Variants in TENT4B observed in about 807,000 individuals in gnomAD.
TENT4B encodes the protein PAP associated domain containing 5.
In TENT4B, 10 loss-of-function variants were observed where a neutral mutation model predicts 75.0. That is an observed-to-expected ratio of 0.13 (90% CI 0.08 to 0.23). The LOEUF (loss-of-function observed/expected upper bound fraction) is 0.23, where lower values mean the gene tolerates loss of function less well. TENT4B is among the 10% of genes least tolerant of loss of function. The pLI is 1.00. For missense variants in TENT4B, 579 were observed against 893.8 expected, an observed-to-expected ratio of 0.65 and a Z score of 4.49; for synonymous variants, 350 against 357.7, an observed-to-expected ratio of 0.98 and a Z score of 0.24.
In TENT4B at chr16:50,229,173, C is replaced by T. The variant is rs574661923; in HGVS notation, c.1987C>T (p.Arg663Cys). 1.2e-5 allele frequency: 19 copies of T among 1,612,898 alleles called. No homozygotes were observed. The highest frequency in any genetic ancestry group is 4.4e-5 in the South Asian group (4 of 90,990). Residue 663 changes from arginine (R) to cysteine (C), a missense_variant, in exon 12 of 12, where the codon CGT becomes TGT. This residue lies in a region of TENT4B where 164 missense variants were observed against 226.5 expected (regional missense o/e 0.72). Coordinates refer to ENST00000561678, the MANE Select transcript of TENT4B (RefSeq NM_001365324.3). ...KSQHGSARLFRSSSKGFQGTT... is the reference protein window; with the variant it reads ...KSQHGSARLFCSSSKGFQGTT... ...GCAGCATGGATCAGCAAGGCTCTTT[C>T]GTTCTTCCAGCAAAGGCTTCCAAGG... is the stretch of plus-strand genomic sequence containing the variant.
intron 1 of TENT4B, among the ~76,000 whole-genome samples, chr16:50,171,565 A>G (rs1205426801): frequency 1.3e-5 from 2 of 152,140 alleles, no homozygotes; most frequent in Non-Finnish European, 2.9e-5. Context: ...GCTCCTTCTC[A>G]GTTTTTCTTG....
chr16:50,219,367 A>G (rs1259985152), intron 5 of TENT4B, among the ~76,000 whole-genome samples: 1 of 152,150 alleles, frequency 6.6e-6, no homozygotes, highest in African/African-American at 2.4e-5. Context: ...AATGTTTTGG[A>G]GGTTTCTTCC....
At chr16:50,212,348 A>C (rs926019896) in intron 2 of TENT4B, among the ~76,000 whole-genome samples, 2 of 152,086 alleles carry the variant, frequency 1.3e-5, no homozygotes, top group African/African-American at 4.8e-5. Flanking sequence ...GTGAGCCACC[A>C]CACTTGGCCT....
upstream of TENT4B, chr16:50,153,105 C>T (rs1255741427): frequency 7.9e-7 from 1 of 1,260,398 alleles, no homozygotes; most frequent in Non-Finnish European, 1.0e-6. Flanking sequence ...GCGCCGCGGC[C>T]TCTGTGACGC....
intron 1 of TENT4B, among the ~76,000 whole-genome samples, chr16:50,165,335 C>T (rs960054251): frequency 6.6e-6 from 1 of 151,750 alleles, no homozygotes; most frequent in Non-Finnish European, 1.5e-5. Context: ...TTGCCCCAGA[C>T]GACATTATTT....
rs1268179495 is a variant in TENT4B, at chr16:50,231,573, C to T, written c.*2245C>T. The T allele has an allele frequency of 4.1e-6, 4 of 985,678 alleles. No individual in the cohort carries two copies. The highest frequency in any genetic ancestry group is 4.8e-6 in the Non-Finnish European group (4 of 829,902). The allele number at this position is 985,678 out of a possible 1,614,324, so 61.1% of individuals were successfully genotyped here. ...TGTGATTATATTAAGGTGGTGGTAG[C>T]GGGAAGATAATTCTGATTCCATTGG... On this transcript the variant is annotated 3_prime_UTR_variant, in exon 12 of 12. Transcript: ENST00000561678.
In TENT4B at chr16:50,231,829, TTA is replaced by T; in HGVS notation, c.*2502_*2503del. On this transcript the variant is annotated 3_prime_UTR_variant, in exon 12 of 12. Coordinates refer to ENST00000561678, the MANE Select transcript of TENT4B (RefSeq NM_001365324.3). ...TGAAGTAAAATACTTTCAAGAACTTTTAGTTTGCCTGCTCATTTGTTTTATAC... is the reference window on the plus strand; with the variant it reads ...TGAAGTAAAATACTTTCAAGAACTTTGTTTGCCTGCTCATTTGTTTTATAC... 1 of 985,182 alleles carries T rather than the reference TTA, an allele frequency of 1.0e-6. No individual in the cohort carries two copies. The highest frequency in any genetic ancestry group is 4.7e-5 in the South Asian group (1 of 21,272). 61.0% of individuals were successfully genotyped at this position (985,182 alleles called of 1,614,324 possible).
rs977587613 is a variant in TENT4B, at chr16:50,163,545, G to A, written c.638+9286G>A. 1.9e-4 allele frequency among the ~76,000 whole-genome samples: 28 copies of A among 150,466 alleles called. No homozygotes were observed. The South Asian group carries it at 5.5e-3, about 30-fold the overall frequency. On this transcript the variant is annotated intron_variant, in intron 1 of 11. Coordinates refer to ENST00000561678, the MANE Select transcript of TENT4B (RefSeq NM_001365324.3). ...CTCCCGAGTAGCTGGGACTACAGGC[G>A]CCCGCCACCACACCCGGCTTATTTT...
intron 5 of TENT4B, among the ~76,000 whole-genome samples, chr16:50,219,775 CT>C (rs2031740302): frequency 1.4e-5 from 2 of 145,168 alleles, no homozygotes; most frequent in Admixed American, 7.4e-5. Flanking sequence ...TCTCTTCTTC[CT>C]TTTTCTTCCT....
chr16:50,181,920 T>A (rs548304725), intron 1 of TENT4B, among the ~76,000 whole-genome samples: 1 of 152,282 alleles, frequency 6.6e-6, no homozygotes, highest in Admixed American at 6.5e-5. Context: ...AGGTTAGTGA[T>A]GTAAATACCA....
chr16:50,202,322 A>T (rs1319137271), intron 1 of TENT4B, among the ~76,000 whole-genome samples: 2 of 152,208 alleles, frequency 1.3e-5, no homozygotes, highest in Non-Finnish European at 2.9e-5. Flanking sequence ...TCTATTCTTA[A>T]ACACCAGCCC....
chr16:50,210,493 G>A (rs181059236), intron 1 of TENT4B, among the ~76,000 whole-genome samples: 8 of 152,286 alleles, frequency 5.3e-5, no homozygotes, highest in African/African-American at 1.9e-4. Flanking sequence ...CAGCCTCTAG[G>A]CCTTCATCCA....
intron 1 of TENT4B, among the ~76,000 whole-genome samples, chr16:50,156,762 C>A (rs1361534289): frequency 2.6e-5 from 4 of 152,084 alleles, no homozygotes; most frequent in African/African-American, 9.7e-5. Flanking sequence ...TCAAGTGATC[C>A]TCCTGCCTTA....
chr16:50,155,237 A>C (rs1429809360), intron 1 of TENT4B, among the ~76,000 whole-genome samples: 1 of 139,854 alleles, frequency 7.2e-6, no homozygotes, highest in Non-Finnish European at 1.5e-5. Context: ...ACTGAATCTT[A>C]TTTGTTTTGT....
intron 1 of TENT4B, among the ~76,000 whole-genome samples, chr16:50,199,359 T>G (rs2030489058): frequency 6.6e-6 from 1 of 152,172 alleles, no homozygotes; most frequent in African/African-American, 2.4e-5. Context: ...ATGAATTGTT[T>G]CCCAAAGAAA....
At chr16:50,157,761 A>C (rs1393562749) in intron 1 of TENT4B, among the ~76,000 whole-genome samples, 1 of 149,296 alleles carries the variant, frequency 6.7e-6, no homozygotes. Context: ...GCCTGGCCTA[A>C]ATTTATTTTT....
chr16:50,191,319 T>TC (rs1567494338), intron 1 of TENT4B, among the ~76,000 whole-genome samples: 1 of 152,184 alleles, frequency 6.6e-6, no homozygotes, highest in African/African-American at 2.4e-5. Context: ...CATTGTACAT[T>TC]CCCCCCAGCA....
chr16:50,229,035 G>A, intron 11 of TENT4B, 117 bp from the exon 12 acceptor site: 3 of 1,510,598 alleles, frequency 2.0e-6, no homozygotes, highest in South Asian at 1.4e-5. Flanking sequence ...TGATCAGTAA[G>A]GTAACAATCT....
chr16:50,155,272 G>GGGGTGTGTGTGTGTGTGTGTGT (rs377547594), intron 1 of TENT4B, among the ~76,000 whole-genome samples: 6 of 135,372 alleles, frequency 4.4e-5, no homozygotes, highest in African/African-American at 1.7e-4. Flanking sequence ...GGGTCTCGTG[G>GGGGTGTGTGTGTGTGTGTGTGT]GTGTGTGTGT....
Sources: allele counts gnomAD v4.1 joint callset (sites outside exome capture counted in the v4.1 genomes callset), GRCh38; gene constraint gnomAD v4.1.1; regional missense constraint gnomAD v4.1.1; transcripts MANE v1.5; gene names NCBI Gene and HGNC (gene_info 2026-07-23, HGNC 2026-07-21).